KCNIP4: variants seen among roughly 807,000 people sequenced by gnomAD.
KCNIP4 encodes the protein Kv channel-interacting protein 4.
Under a neutral mutation model 34.0 loss-of-function variants are expected in KCNIP4, and 12 were observed. The ratio of observed to expected loss-of-function variants is 0.35; its 90% CI spans 0.23 to 0.57. KCNIP4 has a LOEUF of 0.57. Among genes scored for constraint, KCNIP4 ranks in the 20% least tolerant of loss-of-function variants. The pLI, the probability that KCNIP4 is intolerant of heterozygous loss-of-function variation, is 0.83. For missense variants in KCNIP4, 238 were observed against 311.7 expected, an observed-to-expected ratio of 0.76 and a Z score of 1.78; for synonymous variants, 124 against 102.2, an observed-to-expected ratio of 1.21 and a Z score of -1.29.
intron 1 of KCNIP4, among the ~76,000 whole-genome samples, chr4:21,869,046 C>T (rs113729151): frequency 3.8e-4 from 58 of 152,284 alleles, no homozygotes; most frequent in African/African-American, 1.3e-3. Context: ...CCTAAGTTGA[C>T]CCTATCTATT....
At chr4:21,905,682 T>C (rs1173939036) in intron 1 of KCNIP4, among the ~76,000 whole-genome samples, 1 of 152,140 alleles carries the variant, frequency 6.6e-6, no homozygotes, top group African/African-American at 2.4e-5. Flanking sequence ...TCAAAAAGCC[T>C]TCTGCCAAAT....
At chr4:21,442,278 T>A (rs1328486664) in intron 1 of KCNIP4, among the ~76,000 whole-genome samples, 1 of 152,196 alleles carries the variant, frequency 6.6e-6, no homozygotes. Flanking sequence ...TTCCTAGCAC[T>A]TGTGGTTCAT....
At chr4:21,664,332 C>T (rs1748672419) in intron 1 of KCNIP4, among the ~76,000 whole-genome samples, 1 of 151,964 alleles carries the variant, frequency 6.6e-6, no homozygotes, top group African/African-American at 2.4e-5. Flanking sequence ...CCTGCAAATG[C>T]TCTGCAGTAG....
At chr4:21,284,497 G>A (rs1224553470) in intron 1 of KCNIP4, among the ~76,000 whole-genome samples, 1 of 152,110 alleles carries the variant, frequency 6.6e-6, no homozygotes, top group Non-Finnish European at 1.5e-5. Context: ...AGAGCCCAAG[G>A]CAGGATTTGT....
intron 1 of KCNIP4, among the ~76,000 whole-genome samples, chr4:20,910,924 A>C (rs376864758): frequency 6.6e-6 from 1 of 152,166 alleles, no homozygotes; most frequent in Middle Eastern, 3.2e-3. Flanking sequence ...CTCCTTTAAC[A>C]TAAGAACTTC....
At chr4:21,678,680 T>G (rs1750107967) in intron 1 of KCNIP4, among the ~76,000 whole-genome samples, 2 of 152,214 alleles carry the variant, frequency 1.3e-5, no homozygotes, top group South Asian at 4.1e-4. Flanking sequence ...CCTGTCTGCC[T>G]GAAATTTGTG....
At chr4:21,600,887 C>T (rs1743066540) in intron 1 of KCNIP4, among the ~76,000 whole-genome samples, 1 of 151,934 alleles carries the variant, frequency 6.6e-6, no homozygotes, top group African/African-American at 2.4e-5. Context: ...CAGGTACCTG[C>T]TAATAGACAT....
At chr4:21,619,393 AAAGC>A (rs1386642815) in intron 1 of KCNIP4, among the ~76,000 whole-genome samples, 21 of 152,376 alleles carry the variant, frequency 1.4e-4, no homozygotes, top group African/African-American at 4.6e-4. Context: ...CCACTGAGTT[AAAGC>A]AAGAGTAAGA....
intron 1 of KCNIP4, among the ~76,000 whole-genome samples, chr4:21,836,648 A>G (rs1723339927): frequency 6.6e-6 from 1 of 152,196 alleles, no homozygotes; most frequent in African/African-American, 2.4e-5. Flanking sequence ...TGGTCTCTAA[A>G]GGACAGGGGA....
intron 1 of KCNIP4, among the ~76,000 whole-genome samples, chr4:21,709,363 A>G (rs1488217269): frequency 6.6e-6 from 1 of 152,204 alleles, no homozygotes; most frequent in Admixed American, 6.5e-5. Context: ...ATGATGATTT[A>G]CCATTCAGAA....
intron 1 of KCNIP4, among the ~76,000 whole-genome samples, chr4:21,594,638 A>G (rs1350056603): frequency 1.3e-5 from 2 of 150,748 alleles, no homozygotes; most frequent in African/African-American, 2.5e-5. Flanking sequence ...TCAATCAATC[A>G]GAACAGAGCA....
At chr4:21,061,510 A>G (rs1346702185) in intron 1 of KCNIP4, among the ~76,000 whole-genome samples, 1 of 152,180 alleles carries the variant, frequency 6.6e-6, no homozygotes, top group African/African-American at 2.4e-5. Flanking sequence ...ACTCAGCACC[A>G]TATTGATGAG....
intron 1 of KCNIP4, among the ~76,000 whole-genome samples, chr4:21,478,456 T>C (rs1361905508): frequency 3.3e-5 from 5 of 152,052 alleles, no homozygotes; most frequent in Non-Finnish European, 7.4e-5. Context: ...GTGGGGGAAA[T>C]AGCAAACAAA....
intron 1 of KCNIP4, among the ~76,000 whole-genome samples, chr4:21,240,435 A>G (rs1019209207): frequency 2.0e-5 from 3 of 152,150 alleles, no homozygotes; most frequent in African/African-American, 7.2e-5. Context: ...GGATTCCTGC[A>G]TTCTTTTAAA....
rs567893754 is a variant in KCNIP4, at chr4:21,296,658, A to T, written c.62-413949T>A. Among the ~76,000 whole-genome samples, 23 of 151,972 alleles carry T rather than the reference A, an allele frequency of 1.5e-4. No homozygotes were observed. The East Asian group carries it at 1.8e-3, about 12-fold the overall frequency. The stretch of plus-strand genomic sequence containing the variant: ...CCAGCTGGGATTATTATTAAATCCA[A>T]TTATTTTGGCTTCAGAGTCTGTGTT... On this transcript the variant is annotated intron_variant, in intron 1 of 8. Coordinates refer to ENST00000382152, the MANE Select transcript of KCNIP4 (RefSeq NM_025221.6).
At chr4:21,389,156 T>A (rs1166267999) in intron 1 of KCNIP4, among the ~76,000 whole-genome samples, 2 of 151,968 alleles carry the variant, frequency 1.3e-5, no homozygotes, top group Admixed American at 1.3e-4. Context: ...TAACTAATTT[T>A]TTTTATAGAG....
intron 1 of KCNIP4, among the ~76,000 whole-genome samples, chr4:21,021,864 A>AGTATC (rs1165546074): frequency 1.3e-4 from 11 of 85,114 alleles, no homozygotes; most frequent in African/African-American, 1.3e-4. Flanking sequence ...AGTATCGTAT[A>AGTATC]GTATAGTATA....
intron 1 of KCNIP4, among the ~76,000 whole-genome samples, chr4:21,393,061 G>A (rs1425597324): frequency 2.0e-5 from 3 of 152,144 alleles, no homozygotes; most frequent in Non-Finnish European, 4.4e-5. Flanking sequence ...AATCAAATTT[G>A]TTGTGATGAT....
intron 1 of KCNIP4, chr4:21,847,787 T>C (rs1724118249): frequency 6.6e-6 from 1 of 152,054 alleles, no homozygotes; most frequent in Admixed American, 6.6e-5. Context: ...GACACTACAT[T>C]TACTCACTTT....
Sources: allele counts gnomAD v4.1 joint callset (sites outside exome capture counted in the v4.1 genomes callset), GRCh38; gene constraint gnomAD v4.1.1; transcripts MANE v1.5; gene names NCBI Gene and HGNC (gene_info 2026-07-23, HGNC 2026-07-21).